HRH2: variants seen among roughly 807,000 people sequenced by gnomAD.
The protein encoded by HRH2 is histamine receptor H2.
In HRH2, 4 loss-of-function variants were observed where a neutral mutation model predicts 20.1. The observed-to-expected ratio is 0.20, with a 90% CI of 0.10 to 0.45. The LOEUF (loss-of-function observed/expected upper bound fraction) is 0.45, where lower values mean the gene tolerates loss of function less well. Among genes scored for constraint, HRH2 ranks in the 20% least tolerant of loss-of-function variants. The pLI, the probability that HRH2 is intolerant of heterozygous loss-of-function variation, is 0.99. For missense variants in HRH2, 250 were observed against 461.6 expected, an observed-to-expected ratio of 0.54 and a Z score of 4.20; for synonymous variants, 197 against 200.7, an observed-to-expected ratio of 0.98 and a Z score of 0.16.
At chr5:175,659,978 C>T (rs144313432) in intron 1 of HRH2, among the ~76,000 whole-genome samples, 6 of 152,316 alleles carry the variant, frequency 3.9e-5, no homozygotes, top group Middle Eastern at 3.4e-3. Context: ...CACCTTGTCC[C>T]GGTTAACCTT....
intron 2 of HRH2, chr5:175,704,036 T>C (rs1053504033): frequency 2.0e-5 from 3 of 152,008 alleles, no homozygotes; most frequent in Non-Finnish European, 2.9e-5. Context: ...AAAACACCAA[T>C]AGTATTTGGT....
intron 1 of HRH2, among the ~76,000 whole-genome samples, chr5:175,678,186 TG>T (rs1318801505): frequency 1.3e-5 from 2 of 152,198 alleles, no homozygotes; most frequent in Non-Finnish European, 2.9e-5. Context: ...ACCCCTGTGA[TG>T]GGGGCTCCAG....
chr5:175,702,541 C>A (rs967352297), intron 2 of HRH2, among the ~76,000 whole-genome samples: 8 of 147,330 alleles, frequency 5.4e-5, no homozygotes, highest in African/African-American at 1.8e-4. Flanking sequence ...AAAAAGTATA[C>A]CATCTTTTTT....
Position 175,693,362 on chromosome 5 carries a change from C to T in HRH2, c.1076+9053C>T, listed in dbSNP as rs1756450984. ...TGGAGACAGGAAGTCGAGGTGGTCC[C>T]GACTGCCAAAAACTGGCACGTGGTG... On this transcript the variant is annotated intron_variant, in intron 2 of 2. Transcript: ENST00000636584. This position sits in a 1 kb window ranked among gnomAD's most constrained non-coding sequence, Gnocchi z 4.4. Among the ~76,000 whole-genome samples the T allele has an allele frequency of 2.6e-5, 4 of 152,304 alleles. No individual in the cohort carries two copies. The highest frequency in any genetic ancestry group is 4.8e-5 in the African/African-American group (2 of 41,552).
chr5:175,692,936 G>A (rs1188834616), intron 2 of HRH2, among the ~76,000 whole-genome samples: 3 of 152,156 alleles, frequency 2.0e-5, no homozygotes, highest in Admixed American at 6.5e-5. Context: ...TCCGTGTCAC[G>A]ACTTGAGTTG....
chr5:175,682,807 G>A lies in HRH2; in HGVS notation c.-427G>A, dbSNP rs6868411. The stretch of plus-strand genomic sequence containing the variant: ...CAGCTATGGAGAGGGATACAGCTGC[G>A]TCTCCACATGACCCATCCTGCATGA... On this transcript the variant is annotated 5_prime_UTR_variant, in exon 2 of 3. Coordinates refer to ENST00000636584, the MANE Select transcript of HRH2 (RefSeq NM_001367711.1). 9.8e-3 allele frequency: 1,726 copies of A among 176,178 alleles called. 32 individuals carry two copies. Among genetic ancestry groups the A allele is most frequent in the African/African-American group, 0.038 (1,599 of 41,920 alleles). The allele number at this position is 176,178 out of a possible 1,614,324, so 10.9% of individuals were successfully genotyped here. A position where few individuals can be genotyped will look rare whatever the true frequency, so the allele number is the denominator to read the frequency against.
chr5:175,666,421 G>A (rs1581408270), intron 1 of HRH2, among the ~76,000 whole-genome samples: 1 of 152,208 alleles, frequency 6.6e-6, no homozygotes, highest in East Asian at 1.9e-4. Flanking sequence ...TTGAACTCAG[G>A]CGCAGATTCC....
At chr5:175,667,471 G>A (rs1762937773) in intron 1 of HRH2, among the ~76,000 whole-genome samples, 1 of 123,432 alleles carries the variant, frequency 8.1e-6, no homozygotes, top group African/African-American at 3.2e-5. Context: ...AAAAAGAAAA[G>A]GAAAAGCCAA....
intron 1 of HRH2, among the ~76,000 whole-genome samples, chr5:175,666,909 C>T (rs914620753): frequency 2.0e-5 from 3 of 152,164 alleles, no homozygotes; most frequent in African/African-American, 7.2e-5. Flanking sequence ...AAAGGCCTCA[C>T]TGCACCCTGG....
chr5:175,678,264 G>A (rs535419790), intron 1 of HRH2, among the ~76,000 whole-genome samples: 2 of 152,152 alleles, frequency 1.3e-5, no homozygotes, highest in Non-Finnish European at 2.9e-5. Flanking sequence ...GAAGCTGCTC[G>A]GTATGTGTCA....
At chr5:175,700,233 C>A (rs575164725) in intron 2 of HRH2, among the ~76,000 whole-genome samples, 6 of 152,132 alleles carry the variant, frequency 3.9e-5, no homozygotes, top group Non-Finnish European at 8.8e-5. Flanking sequence ...TACAGGCTGG[C>A]GGTGAGAAGG....
intron 2 of HRH2, among the ~76,000 whole-genome samples, chr5:175,703,227 G>A (rs1032535233): frequency 1.3e-5 from 2 of 152,150 alleles, no homozygotes; most frequent in African/African-American, 2.4e-5. Context: ...CATATTTCAA[G>A]GCACTGAATA....
Position 175,683,325 on chromosome 5 carries a change from T to C in HRH2, c.92T>C (p.Ile31Thr), listed in dbSNP as rs1156590016. ...ITVVLAVLIL[I>T]TVAGNVVVCL... ...GTGGTCCTTGCGGTCCTCATCCTCA[T>C]CACCGTTGCTGGCAATGTGGTCGTC... Residue 31 changes from isoleucine (I) to threonine (T), a missense_variant, in exon 2 of 3, where the codon ATC (isoleucine) becomes ACC (threonine). This residue lies in a region of HRH2 where 86 missense variants were observed against 176.4 expected (regional missense o/e 0.49). Transcript: ENST00000636584. 6 of 1,614,034 alleles carry C rather than the reference T, an allele frequency of 3.7e-6. No homozygotes were observed. Among genetic ancestry groups the C allele is most frequent in the Non-Finnish European group, 5.1e-6 (6 of 1,180,040 alleles).
chr5:175,676,325 G>T (rs935401025), intron 1 of HRH2, among the ~76,000 whole-genome samples: 1 of 152,216 alleles, frequency 6.6e-6, no homozygotes, highest in Non-Finnish European at 1.5e-5. Context: ...ATCCACGCCC[G>T]CACGTGCACA....
chr5:175,672,308 G>A (rs1755572803), intron 1 of HRH2, among the ~76,000 whole-genome samples: 1 of 152,020 alleles, frequency 6.6e-6, no homozygotes, highest in Non-Finnish European at 1.5e-5. Flanking sequence ...AAACATTGGC[G>A]ATCCACATCT....
At chr5:175,661,653 G>A (rs530263412) in intron 1 of HRH2, among the ~76,000 whole-genome samples, 2 of 152,308 alleles carry the variant, frequency 1.3e-5, no homozygotes, top group African/African-American at 4.8e-5. Context: ...CTGCACTATA[G>A]AGGTGAAGAA....
chr5:175,703,802 G>A (rs760648043), intron 2 of HRH2: 5 of 152,046 alleles, frequency 3.3e-5, no homozygotes, highest in Admixed American at 2.0e-4. Context: ...AAAAACTAAG[G>A]TGAAGTGAAT....
At chr5:175,685,348 A>T in intron 2 of HRH2, 1 of 1,458,324 alleles carries the variant, frequency 6.9e-7, no homozygotes, top group Non-Finnish European at 9.3e-7. Context: ...AAGAATGCTC[A>T]GAGGATACCT....
chr5:175,676,898 A>C (rs1755779128), intron 1 of HRH2, among the ~76,000 whole-genome samples: 1 of 152,266 alleles, frequency 6.6e-6, no homozygotes, highest in Non-Finnish European at 1.5e-5. Flanking sequence ...CAAATATTGC[A>C]AAAGACAAGA....
Sources: gnomAD v4.1 joint callset for allele counts (sites outside exome capture counted in the v4.1 genomes callset) on GRCh38, gnomAD v4.1.1 for gene constraint, gnomAD v4.1.1 regional missense constraint, Gnocchi (gnomAD v3.1) non-coding constraint, MANE v1.5 for transcripts, NCBI Gene and HGNC (gene_info 2026-07-23, HGNC 2026-07-21) for gene names.